The following TRAPPC9 variants were observed in gnomAD, a reference collection of about 807,000 sequenced individuals.
TRAPPC9 encodes IKK2 binding protein.
TRAPPC9 carries 83 observed loss-of-function variants against 124.0 expected under a neutral mutation model. The ratio of observed to expected loss-of-function variants is 0.67; its 90% CI spans 0.56 to 0.80. TRAPPC9 has a LOEUF of 0.80. TRAPPC9 is among the 30% of genes least tolerant of loss of function. The probability of loss-of-function intolerance (pLI) is 0.00; values close to 1 mark genes in which losing one functional copy is unlikely to be tolerated. For missense variants in TRAPPC9, 1,302 were observed against 1,508.3 expected, an observed-to-expected ratio of 0.86 and a Z score of 2.27; for synonymous variants, 638 against 617.5, an observed-to-expected ratio of 1.03 and a Z score of -0.49.
chr8:139,911,654 G>A (rs757059949), intron 19 of TRAPPC9, among the ~76,000 whole-genome samples: 4 of 151,794 alleles, frequency 2.6e-5, no homozygotes, highest in African/African-American at 7.3e-5. Context: ...GCAGTGAGCC[G>A]AGATTGTGCC....
chr8:140,418,339 C>T (rs1270091337), intron 5 of TRAPPC9, among the ~76,000 whole-genome samples: 1 of 152,190 alleles, frequency 6.6e-6, no homozygotes, highest in Non-Finnish European at 1.5e-5. Flanking sequence ...GGAACGTTAA[C>T]CAATTCATTA....
intron 17 of TRAPPC9, among the ~76,000 whole-genome samples, chr8:140,188,928 T>C (rs1223628816): frequency 1.3e-5 from 2 of 152,190 alleles, no homozygotes; most frequent in Non-Finnish European, 2.9e-5. Flanking sequence ...CAGGCAGCCC[T>C]GTAACTTCCC....
chr8:140,446,501 T>G (rs1441325104), intron 2 of TRAPPC9, among the ~76,000 whole-genome samples: 1 of 152,106 alleles, frequency 6.6e-6, no homozygotes, highest in Non-Finnish European at 1.5e-5. Flanking sequence ...CCCTGACACT[T>G]AAACAAATTG....
intron 21 of TRAPPC9, among the ~76,000 whole-genome samples, chr8:139,842,393 C>A (rs529006602): frequency 6.4e-4 from 97 of 152,328 alleles, no homozygotes; most frequent in African/African-American, 2.2e-3. Flanking sequence ...GGCCTCCGCA[C>A]TCCACATTCA....
At chr8:139,916,467 G>A (rs1170723939) in intron 19 of TRAPPC9, 1 of 152,252 alleles carries the variant, frequency 6.6e-6, no homozygotes, top group African/African-American at 2.4e-5. Context: ...CAAGGCCAAG[G>A]AGGGGCTTCA....
chr8:140,306,236 C>T (rs1476169888), intron 10 of TRAPPC9, among the ~76,000 whole-genome samples: 2 of 152,134 alleles, frequency 1.3e-5, no homozygotes, highest in Non-Finnish European at 1.5e-5. Flanking sequence ...TGGCTCATAC[C>T]TGTAATCCTA....
At chr8:140,029,016 C>G (rs532269953) in intron 17 of TRAPPC9, among the ~76,000 whole-genome samples, 1 of 152,130 alleles carries the variant, frequency 6.6e-6, no homozygotes, top group Non-Finnish European at 1.5e-5. Flanking sequence ...AAACAAATTG[C>G]CAACATCAGG....
chr8:139,817,500 C>T (rs939615095), intron 21 of TRAPPC9, among the ~76,000 whole-genome samples: 7 of 152,216 alleles, frequency 4.6e-5, no homozygotes, highest in Admixed American at 1.3e-4. Flanking sequence ...ACCCATGGAT[C>T]GTCCTCACGG....
chr8:140,228,989 T>G (rs1323713510), intron 16 of TRAPPC9, among the ~76,000 whole-genome samples: 2 of 152,160 alleles, frequency 1.3e-5, no homozygotes, highest in East Asian at 3.8e-4. Context: ...GAAAGAAAAT[T>G]CATCTGCTAC....
intron 17 of TRAPPC9, among the ~76,000 whole-genome samples, chr8:140,052,376 C>A (rs1023975611): frequency 1.3e-5 from 2 of 152,172 alleles, no homozygotes; most frequent in African/African-American, 4.8e-5. Flanking sequence ...AGGGCTCATG[C>A]CTATAATCCC....
rs145347244 is a variant in TRAPPC9, at chr8:139,776,905, C to G, written c.3056-44703G>C. On this transcript the variant is annotated intron_variant, in intron 21 of 22. Transcript: ENST00000438773. This position sits in a 1 kb window ranked among gnomAD's most constrained non-coding sequence, Gnocchi z 4.1. ...TTTCGCCTAAACCACCAATTGATGA[C>G]GTGGGGGCTGTGCCTTGCACCCTCT... is the stretch of plus-strand genomic sequence containing the variant. Among the ~76,000 whole-genome samples, 2 of 152,202 alleles carry G rather than the reference C, an allele frequency of 1.3e-5. No individual in the cohort carries two copies. The highest frequency in any genetic ancestry group is 6.5e-5 in the Admixed American group (1 of 15,290).
rs569277673 is a variant in TRAPPC9, at chr8:139,814,339, G to A, written c.3055+71540C>T. Among the ~76,000 whole-genome samples the A allele has an allele frequency of 7.2e-5, 11 of 152,306 alleles. No homozygotes were observed. The East Asian group carries it at 7.7e-4, about 11-fold the overall frequency. ...CGATGAGAAGCCAAAAACAGTCACC[G>A]TCGCTGCTCAGAACCCCTCAAGCTG... is the stretch of plus-strand genomic sequence containing the variant. On this transcript the variant is annotated intron_variant, in intron 21 of 22. Transcript: ENST00000438773.
At chr8:140,410,170 TAGG>T (rs2069650731) in intron 5 of TRAPPC9, among the ~76,000 whole-genome samples, 2 of 102,278 alleles carry the variant, frequency 2.0e-5, no homozygotes, top group Non-Finnish European at 4.2e-5. Flanking sequence ...AAAAAAAAAA[TAGG>T]AGAGGAAGTG....
intron 18 of TRAPPC9, among the ~76,000 whole-genome samples, chr8:140,004,332 A>T (rs888917100): frequency 5.3e-5 from 8 of 152,218 alleles, no homozygotes; most frequent in African/African-American, 1.9e-4. Flanking sequence ...GCACCAAAAA[A>T]GTTCATTTTA....
chr8:140,357,688 C>T (rs542649424), intron 9 of TRAPPC9, among the ~76,000 whole-genome samples: 11 of 152,294 alleles, frequency 7.2e-5, no homozygotes, highest in African/African-American at 2.6e-4. Context: ...GCCACTGAGC[C>T]ACAGTCACCC....
intron 19 of TRAPPC9, among the ~76,000 whole-genome samples, chr8:139,928,095 CCTT>C (rs1832915127): frequency 6.6e-6 from 1 of 152,212 alleles, no homozygotes; most frequent in Admixed American, 6.5e-5. Flanking sequence ...CCACAATAAT[CCTT>C]CTATAAAGTT....
intron 13 of TRAPPC9, among the ~76,000 whole-genome samples, chr8:140,286,959 G>A (rs2065500949): frequency 6.6e-6 from 1 of 152,040 alleles, no homozygotes; most frequent in African/African-American, 2.4e-5. Flanking sequence ...ACTGAGGAGT[G>A]GGCTGCAGAA....
At position 140,126,030 on chromosome 8, in the gene TRAPPC9, C is replaced by A. The variant is rs563407852; in HGVS notation, c.2556+95429G>T. ...TTTGTGATCCGCCAGCCTCGGCCTC[C>A]CAAAGTGCTGGGATTACAGGCATGA... On this transcript the variant is annotated intron_variant, in intron 17 of 22. Coordinates refer to ENST00000438773, the MANE Select transcript of TRAPPC9 (RefSeq NM_001160372.4). Among the ~76,000 whole-genome samples the A allele has an allele frequency of 9.6e-4, 146 of 152,180 alleles. 2 individuals are homozygous for A. Among genetic ancestry groups the A allele is most frequent in the Non-Finnish European group, 6.0e-4 (41 of 68,012 alleles).
At chr8:140,043,669 G>C (rs1028078965) in intron 17 of TRAPPC9, among the ~76,000 whole-genome samples, 1 of 152,178 alleles carries the variant, frequency 6.6e-6, no homozygotes, top group Non-Finnish European at 1.5e-5. Flanking sequence ...AGATCGCTGG[G>C]CCAACACCAG....
Sources: allele counts gnomAD v4.1 joint callset (sites outside exome capture counted in the v4.1 genomes callset), GRCh38; gene constraint gnomAD v4.1.1; non-coding constraint Gnocchi (gnomAD v3.1); transcripts MANE v1.5; gene names NCBI Gene and HGNC (gene_info 2026-07-23, HGNC 2026-07-21).